Variants in CMTM7 observed in about 807,000 individuals in gnomAD.
CMTM7 encodes the protein CKLF like MARVEL transmembrane domain containing 7.
Under a neutral mutation model 19.3 loss-of-function variants are expected in CMTM7, and 7 were observed. The observed-to-expected ratio is 0.36, with a 90% CI of 0.21 to 0.68. The LOEUF is 0.68. Among genes scored for constraint, CMTM7 ranks in the 30% least tolerant of loss-of-function variants. CMTM7 has a pLI of 0.60. For missense variants in CMTM7, 193 were observed against 232.6 expected (o/e 0.83, Z 1.11); for synonymous variants, 87 against 99.3 (o/e 0.88, Z 0.74).
At chr3:32,396,326 T>C (rs890523331) in intron 1 of CMTM7, among the ~76,000 whole-genome samples, 1 of 152,062 alleles carries the variant, frequency 6.6e-6, no homozygotes, top group African/African-American at 2.4e-5. Context: ...GCCAATATGG[T>C]GAAGCCCTGT....
At chr3:32,403,200 T>C (rs1259733628) in intron 1 of CMTM7, among the ~76,000 whole-genome samples, 1 of 152,064 alleles carries the variant, frequency 6.6e-6, no homozygotes. Flanking sequence ...TTTTGTTTTG[T>C]TTTGCTTTTT....
intron 1 of CMTM7, among the ~76,000 whole-genome samples, chr3:32,399,282 T>G (rs1481151324): frequency 1.3e-5 from 2 of 148,934 alleles, no homozygotes; most frequent in Admixed American, 6.6e-5. Flanking sequence ...TTTTTTTGGT[T>G]GTCACAGGGA....
rs893975876 is a variant in CMTM7, at chr3:32,452,192, G to A, written c.433-200G>A. ...AGCCCTGACCTGGCCCAACCTGGAG[G>A]ACTGGGGCCAGTGGCTGGGCCTCGC... On this transcript the variant is annotated intron_variant, in intron 3 of 4. Transcript: ENST00000334983. The A allele has an allele frequency of 5.3e-6, 8 of 1,504,878 alleles. No individual in the cohort carries two copies. The African/African-American group carries it at 1.1e-4, about 21-fold the overall frequency. The allele number at this position is 1,504,878 out of a possible 1,614,324, so 93.2% of individuals were successfully genotyped here.
At chr3:32,407,371 A>C (rs1478974140) in intron 1 of CMTM7, among the ~76,000 whole-genome samples, 1 of 151,944 alleles carries the variant, frequency 6.6e-6, no homozygotes, top group Admixed American at 6.5e-5. Context: ...AAGGGAAGGG[A>C]AAAAAATGTT....
chr3:32,440,397 C>T (rs1696657944), intron 1 of CMTM7, among the ~76,000 whole-genome samples: 1 of 151,630 alleles, frequency 6.6e-6, no homozygotes, highest in Non-Finnish European at 1.5e-5. Context: ...CAGAGTGAGA[C>T]TCCATCTCAA....
chr3:32,435,474 A>C (rs757421565), intron 1 of CMTM7, among the ~76,000 whole-genome samples: 2 of 152,256 alleles, frequency 1.3e-5, no homozygotes, highest in Non-Finnish European at 2.9e-5. Flanking sequence ...CGCTGTTTGT[A>C]TTAATGAAAA....
chr3:32,412,874 T>C (rs1696200125), intron 1 of CMTM7, among the ~76,000 whole-genome samples: 1 of 152,206 alleles, frequency 6.6e-6, no homozygotes, highest in Admixed American at 6.5e-5. Flanking sequence ...TCCCTGTTGC[T>C]ATAAAAGCTT....
At chr3:32,447,062 A>G (rs1696764395) in intron 2 of CMTM7, among the ~76,000 whole-genome samples, 8 of 152,014 alleles carry the variant, frequency 5.3e-5, no homozygotes, top group Admixed American at 5.2e-4. Flanking sequence ...ACAGCTATAA[A>G]TCTCCCTCTG....
intron 1 of CMTM7, among the ~76,000 whole-genome samples, chr3:32,431,885 A>G (rs1019379370): frequency 6.6e-6 from 1 of 152,226 alleles, no homozygotes; most frequent in Non-Finnish European, 1.5e-5. Flanking sequence ...TAATCCCAAC[A>G]CTTTGGGAGA....
chr3:32,393,529 G>A (rs1695871131), intron 1 of CMTM7, among the ~76,000 whole-genome samples: 1 of 152,214 alleles, frequency 6.6e-6, no homozygotes, highest in Non-Finnish European at 1.5e-5. Context: ...GCTGGACAAA[G>A]ATATTGTGGG....
rs1269338882 is a variant in CMTM7, at chr3:32,442,152, A to G, written c.333+139A>G. On this transcript the variant is annotated intron_variant, in intron 2 of 4. Transcript: ENST00000334983. ...TTGCTGCCTCTGCCCTGAATTTCCTATTGTTTGGTGGACATCTCTGCTTGA... is the reference window on the plus strand; with the variant it reads ...TTGCTGCCTCTGCCCTGAATTTCCTGTTGTTTGGTGGACATCTCTGCTTGA... 1.3e-5 allele frequency: 10 copies of G among 765,012 alleles called. No individual in the cohort carries two copies. The African/African-American group carries it at 1.6e-4, about 12-fold the overall frequency. 47.4% of individuals were successfully genotyped at this position (765,012 alleles called of 1,614,324 possible).
rs1352452065 is a variant in CMTM7 at position 32,441,879 on chromosome 3, C to A, written c.199C>A (p.Leu67Met). The A allele has an allele frequency of 3.7e-6, 6 of 1,614,078 alleles. No homozygotes were observed. The highest frequency in any genetic ancestry group is 2.5e-6 in the Non-Finnish European group (3 of 1,180,030). ...LIAFICVRSS[L>M]WTNYSAYSYF... ...TGCCTTCATCTGTGTGCGGAGCTCCCTGTGGACCAACTACAGCGCCTACAG... is the reference window on the plus strand; with the variant it reads ...TGCCTTCATCTGTGTGCGGAGCTCCATGTGGACCAACTACAGCGCCTACAG... Residue 67 changes from leucine (L) to methionine (M), a missense_variant, in exon 2 of 5, where the codon CTG becomes ATG. Physicochemically the swap from Leu to Met is conservative, Grantham distance 15 (BLOSUM62 2). Coordinates refer to ENST00000334983, the MANE Select transcript of CMTM7 (RefSeq NM_138410.4).
Position 32,391,922 on chromosome 3 carries a change from G to A in CMTM7, c.16G>A (p.Gly6Arg). MSHGAGLVRTTCSSGS... is the reference protein window; with the variant it reads MSHGARLVRTTCSSGS... ...GGGCCGCGCAATGTCGCACGGAGCC[G>A]GGCTCGTCCGCACCACGTGCAGCAG... Residue 6 changes from glycine to arginine, a missense_variant, in exon 1 of 5, where the codon GGG becomes AGG. Gly to Arg is a moderately radical substitution (Grantham distance 125). Coordinates refer to ENST00000334983, the MANE Select transcript of CMTM7 (RefSeq NM_138410.4). 9.8e-6 allele frequency: 12 copies of A among 1,225,308 alleles called. No homozygotes were observed. Among genetic ancestry groups the A allele is most frequent in the Non-Finnish European group, 1.2e-5 (12 of 983,660 alleles). The allele number at this position is 1,225,308 out of a possible 1,614,324, so 75.9% of individuals were successfully genotyped here.
chr3:32,441,757 G>C (rs1696679969), intron 1 of CMTM7, 83 bp from the exon 2 acceptor site: 1 of 1,186,288 alleles, frequency 8.4e-7, no homozygotes, highest in Non-Finnish European at 1.2e-6. Context: ...CCTGCTGGGG[G>C]ATGCTTGGTT....
intron 1 of CMTM7, among the ~76,000 whole-genome samples, chr3:32,413,460 A>G (rs1696210644): frequency 6.6e-6 from 1 of 152,254 alleles, no homozygotes; most frequent in Non-Finnish European, 1.5e-5. Flanking sequence ...GATTAGAGTG[A>G]TTAGAAGATA....
intron 1 of CMTM7, among the ~76,000 whole-genome samples, chr3:32,435,052 A>G (rs1287118857): frequency 6.6e-6 from 1 of 152,222 alleles, no homozygotes; most frequent in Non-Finnish European, 1.5e-5. Flanking sequence ...AAACAACAAA[A>G]TCTTAAACGT....
chr3:32,429,829 G>A (rs1428381911), intron 1 of CMTM7, among the ~76,000 whole-genome samples: 1 of 152,130 alleles, frequency 6.6e-6, no homozygotes, highest in Non-Finnish European at 1.5e-5. Flanking sequence ...TTGATCTCCT[G>A]ACCTTGTGAT....
chr3:32,453,737 G>T (rs1376088528), intron 4 of CMTM7, among the ~76,000 whole-genome samples: 2 of 152,142 alleles, frequency 1.3e-5, no homozygotes, highest in Non-Finnish European at 2.9e-5. Flanking sequence ...TGATGAAAAG[G>T]CTCTAAAATT....
chr3:32,406,059 T>C (rs1461985637), intron 1 of CMTM7, among the ~76,000 whole-genome samples: 1 of 152,236 alleles, frequency 6.6e-6, no homozygotes, highest in Non-Finnish European at 1.5e-5. Flanking sequence ...TATTTCACAC[T>C]TCTGTGTGTG....
Sources: allele counts gnomAD v4.1 joint callset (sites outside exome capture counted in the v4.1 genomes callset), GRCh38; gene constraint gnomAD v4.1.1; transcripts MANE v1.5; gene names NCBI Gene and HGNC (gene_info 2026-07-23, HGNC 2026-07-21).